Variants in SPMIP5 observed in about 807,000 individuals in gnomAD.
The protein encoded by SPMIP5 is sperm microtubule inner protein 5.
the SPMIP5 span, chr10:116,664,321 G>C: frequency 7.9e-7 from 1 of 1,262,356 alleles, no homozygotes; most frequent in Non-Finnish European, 1.1e-6. Flanking sequence ...ATTAAGAATA[G>C]AATAATAATA....
the SPMIP5 span, chr10:116,663,975 C>T: frequency 6.3e-5 from 97 of 1,540,474 alleles, no homozygotes; most frequent in Middle Eastern, 1.7e-4. Flanking sequence ...GTATACTTGG[C>T]CTCTGAGCAC....
chr10:116,668,188 C>A, the SPMIP5 span: 4 of 1,466,074 alleles, frequency 2.7e-6, no homozygotes, highest in South Asian at 4.6e-5. Context: ...GACAGTGGGT[C>A]AAGGCAGGGA....
the SPMIP5 span, among the ~76,000 whole-genome samples, chr10:116,666,901 T>G: frequency 6.6e-6 from 1 of 152,232 alleles, no homozygotes; most frequent in Non-Finnish European, 1.5e-5. Flanking sequence ...TAAAATAGGT[T>G]ATGTATGCTG....
the SPMIP5 span, chr10:116,665,421 A>AAT: frequency 1.8e-6 from 1 of 554,532 alleles, no homozygotes; most frequent in Non-Finnish European, 3.1e-6. Flanking sequence ...AAAAAAAAAA[A>AAT]GAAAAAGAAA....
chr10:116,663,958 C>T, the SPMIP5 span: 19 of 1,538,510 alleles, frequency 1.2e-5, no homozygotes, highest in East Asian at 4.6e-4. Flanking sequence ...CATCTTCCCA[C>T]TGCATGGTAT....
the SPMIP5 span, among the ~76,000 whole-genome samples, chr10:116,663,351 C>T: frequency 2.0e-5 from 3 of 152,096 alleles, no homozygotes; most frequent in Non-Finnish European, 4.4e-5. Flanking sequence ...GCTAACACCC[C>T]AGTTTTGGAC....
the SPMIP5 span, among the ~76,000 whole-genome samples, chr10:116,667,511 A>G: frequency 2.6e-5 from 4 of 152,130 alleles, no homozygotes; most frequent in Non-Finnish European, 5.9e-5. Flanking sequence ...GCTTGTCAGA[A>G]CCCAAAGCCT....
the SPMIP5 span, among the ~76,000 whole-genome samples, chr10:116,666,404 C>T: frequency 7.2e-5 from 11 of 152,006 alleles, no homozygotes; most frequent in Admixed American, 7.2e-4. Context: ...CAACTATTTA[C>T]TTAAACTGGA....
chr10:116,669,053 G>A, the SPMIP5 span, among the ~76,000 whole-genome samples: 2 of 151,898 alleles, frequency 1.3e-5, no homozygotes, highest in Admixed American at 1.3e-4. Context: ...GTAAGCAGAG[G>A]CCACCCTCTG....
the SPMIP5 span, chr10:116,664,287 A>G: frequency 6.5e-7 from 1 of 1,544,346 alleles, no homozygotes; most frequent in East Asian, 2.4e-5. Context: ...ACAAGAATAG[A>G]AGTCACAAAG....
chr10:116,669,250 G>A, the SPMIP5 span, among the ~76,000 whole-genome samples: 1 of 152,294 alleles, frequency 6.6e-6, no homozygotes, highest in South Asian at 2.1e-4. Flanking sequence ...GATTCAGGGT[G>A]GAGGAGAGGG....
chr10:116,668,092 T>C, the SPMIP5 span, among the ~76,000 whole-genome samples: 1 of 152,218 alleles, frequency 6.6e-6, no homozygotes, highest in East Asian at 1.9e-4. Context: ...AACCCGGCCA[T>C]CAGCCATCTT....
At chr10:116,668,413 G>T in the SPMIP5 span, 1 of 1,077,628 alleles carries the variant, frequency 9.3e-7, no homozygotes, top group Non-Finnish European at 1.4e-6. Context: ...GCTCTTGGGA[G>T]TGGAAGAATG....
At chr10:116,668,933 G>GCACACACACACACACACACACACA in the SPMIP5 span, among the ~76,000 whole-genome samples, 128 of 135,360 alleles carry the variant, frequency 9.5e-4, 2 homozygotes, top group South Asian at 1.8e-3. Context: ...GCACACACAT[G>GCACACACACACACACACACACACA]CACACACACA....
the SPMIP5 span, chr10:116,665,670 G>A: frequency 6.2e-4 from 1,005 of 1,614,062 alleles, 11 homozygotes; most frequent in Middle Eastern, 1.5e-3. Context: ...CGTCTCCTCG[G>A]AGTTGACAGG....
the SPMIP5 span, chr10:116,668,155 G>A: frequency 7.9e-6 from 9 of 1,144,190 alleles, no homozygotes; most frequent in Admixed American, 8.7e-5. Context: ...GCCTAGACTG[G>A]TCCAGTTGGC....
the SPMIP5 span, chr10:116,665,756 G>A: frequency 1.2e-6 from 2 of 1,614,114 alleles, no homozygotes; most frequent in Non-Finnish European, 8.5e-7. Context: ...TTTTCTCCTG[G>A]AAGGTTTTCA....
chr10:116,663,643 C>T, the SPMIP5 span: 3 of 390,862 alleles, frequency 7.7e-6, no homozygotes, highest in South Asian at 1.1e-4. Context: ...GGTTAGGAAC[C>T]CTAGCTCATG....
the SPMIP5 span, chr10:116,665,065 C>G: frequency 6.7e-7 from 1 of 1,487,602 alleles, no homozygotes; most frequent in Non-Finnish European, 8.9e-7. Context: ...AGACCAGCAC[C>G]CTCTTCCCTA....
Sources: gnomAD v4.1 joint callset for allele counts (sites outside exome capture counted in the v4.1 genomes callset) on GRCh38, gnomAD v4.1.1 for gene constraint, MANE v1.5 for transcripts, NCBI Gene and HGNC (gene_info 2026-07-23, HGNC 2026-07-21) for gene names.